PRDM16: variants seen among roughly 807,000 people sequenced by gnomAD.
PRDM16 encodes the protein PR/SET domain 16.
In PRDM16, 23 loss-of-function variants were observed where a neutral mutation model predicts 110.6. That is an observed-to-expected ratio of 0.21 (90% CI 0.15 to 0.29). The LOEUF (loss-of-function observed/expected upper bound fraction) is 0.29. Ranked by LOEUF, PRDM16 falls within the 10% of genes least tolerant of loss-of-function variation. The pLI, the probability that PRDM16 is intolerant of heterozygous loss-of-function variation, is 1.00. For synonymous variants in PRDM16, 799 were observed against 781.8 expected, an observed-to-expected ratio of 1.02 and a Z score of -0.37; for missense variants, 1,615 against 1,794.3, an observed-to-expected ratio of 0.90 and a Z score of 1.81.
At chr1:3,136,282 T>C (rs1278051836) in intron 1 of PRDM16, among the ~76,000 whole-genome samples, 1 of 152,138 alleles carries the variant, frequency 6.6e-6, no homozygotes, top group Non-Finnish European at 1.5e-5. Context: ...CGCGCGATGC[T>C]CCGGGGTCTC....
rs1644264593 is a variant in PRDM16 at position 3,186,157 on chromosome 1, C to A, written c.70C>A (p.Pro24Thr). Residue 24 changes from proline (P) to threonine (T), a missense_variant, in exon 2 of 17, where the codon CCC (proline) becomes ACC (threonine). Physicochemically the swap from Pro to Thr is conservative, Grantham distance 38 (BLOSUM62 -1). Coordinates refer to ENST00000270722, the MANE Select transcript of PRDM16 (RefSeq NM_022114.4). Reference sequence around the variant, plus strand: ...TGACGTTGTAAATAATATGTATGAGCCCAACCGGGACCTGCTGGCCAGCCA... The same window carrying A: ...TGACGTTGTAAATAATATGTATGAGACCAACCGGGACCTGCTGGCCAGCCA... ...DGDVVNNMYE[P>T]NRDLLASHSA... 6.2e-7 allele frequency: 1 copy of A among 1,612,668 alleles called. No homozygotes were observed. The highest frequency in any genetic ancestry group is 1.3e-5 in the African/African-American group (1 of 74,908).
In PRDM16 at chr1:3,397,471, G is replaced by A. The variant is rs776523027; in HGVS notation, c.676+878G>A. Among the ~76,000 whole-genome samples, 6 of 152,216 alleles carry A rather than the reference G, an allele frequency of 3.9e-5. No individual in the cohort carries two copies. The East Asian group carries it at 7.7e-4, about 20-fold the overall frequency. ...CTTCACGTCATGAAGCCATGTGTCC[G>A]TTCCCCTACGGGGTCCTGGAACAGC... On this transcript the variant is annotated intron_variant, in intron 5 of 16. Transcript: ENST00000270722.
chr1:3,414,842 A>G (rs1643753749), intron 10 of PRDM16, among the ~76,000 whole-genome samples, 195 bp downstream of exon 10: 1 of 152,040 alleles, frequency 6.6e-6, no homozygotes, highest in African/African-American at 2.4e-5. Flanking sequence ...GAGGTTGAGG[A>G]CTGAGAGTGA....
At chr1:3,153,109 G>C (rs1033950757) in intron 1 of PRDM16, among the ~76,000 whole-genome samples, 1 of 152,244 alleles carries the variant, frequency 6.6e-6, no homozygotes, top group African/African-American at 2.4e-5. Flanking sequence ...CTTTTCTTCT[G>C]AGTGGGAACA....
At chr1:3,181,239 C>CAGTCTT (rs1644167174) in intron 1 of PRDM16, among the ~76,000 whole-genome samples, 1 of 72,680 alleles carries the variant, frequency 1.4e-5, no homozygotes, top group Non-Finnish European at 3.9e-5. Context: ...CACGGTCTTA[C>CAGTCTT]ACACAGTCTT....
chr1:3,082,166 G>A (rs1421539841), intron 1 of PRDM16, among the ~76,000 whole-genome samples: 3 of 152,170 alleles, frequency 2.0e-5, no homozygotes, highest in Admixed American at 6.5e-5. Flanking sequence ...AGGCTGGCCC[G>A]GGGGCCCTGG....
intron 2 of PRDM16, among the ~76,000 whole-genome samples, chr1:3,186,975 G>C (rs902371022): frequency 6.6e-6 from 1 of 152,046 alleles, no homozygotes; most frequent in Non-Finnish European, 1.5e-5. Context: ...TCCAACTCCA[G>C]GGGCACAGGC....
intron 3 of PRDM16, among the ~76,000 whole-genome samples, chr1:3,257,311 C>G (rs1203438848): frequency 6.6e-6 from 1 of 152,176 alleles, no homozygotes; most frequent in African/African-American, 2.4e-5. Context: ...TCTCTGCCCA[C>G]CTGGGGTTGG....
intron 2 of PRDM16, among the ~76,000 whole-genome samples, chr1:3,230,709 G>A (rs966100992): frequency 6.6e-6 from 1 of 152,266 alleles, no homozygotes; most frequent in Non-Finnish European, 1.5e-5. Flanking sequence ...GCTGTCCCCA[G>A]GATTGGGTGT....
chr1:3,300,565 A>G (rs1182113184), intron 3 of PRDM16, among the ~76,000 whole-genome samples: 2 of 152,332 alleles, frequency 1.3e-5, no homozygotes, highest in South Asian at 2.1e-4. Flanking sequence ...TCAGGAGCAC[A>G]TCTCCTCCTC....
rs2493293 is a variant in PRDM16, at chr1:3,410,997, G to A, written c.1187-387G>A. Reference sequence around the variant, plus strand: ...CGGCACAGCAGGAACTGTACCAACCGGCCCCCCGATCTGTGCTGGTCACTG... The same window carrying A: ...CGGCACAGCAGGAACTGTACCAACCAGCCCCCCGATCTGTGCTGGTCACTG... On this transcript the variant is annotated intron_variant, in intron 8 of 16. Transcript: ENST00000270722. 8.8e-4 allele frequency among the ~76,000 whole-genome samples: 134 copies of A among 152,254 alleles called. 1 individual carries two copies. The highest frequency in any genetic ancestry group is 2.8e-3 in the African/African-American group (115 of 41,538).
chr1:3,227,211 C>T (rs529509139), intron 2 of PRDM16, among the ~76,000 whole-genome samples: 22 of 152,368 alleles, frequency 1.4e-4, no homozygotes, highest in African/African-American at 5.3e-4. Flanking sequence ...CCTTCTCGCC[C>T]GGCGAGGACC....
chr1:3,193,539 T>G (rs1638373407), intron 2 of PRDM16, among the ~76,000 whole-genome samples: 1 of 152,178 alleles, frequency 6.6e-6, no homozygotes, highest in Non-Finnish European at 1.5e-5. Flanking sequence ...TCCACAGCCA[T>G]GGACCTCCGC....
chr1:3,408,086 CAAGT>C (rs1337150604), intron 8 of PRDM16, among the ~76,000 whole-genome samples: 11 of 152,290 alleles, frequency 7.2e-5, no homozygotes, highest in Non-Finnish European at 1.0e-4. Flanking sequence ...AATTTGCAAA[CAAGT>C]GAGGGAGTCC....
At chr1:3,131,218 T>C (rs1643330028) in intron 1 of PRDM16, among the ~76,000 whole-genome samples, 1 of 152,228 alleles carries the variant, frequency 6.6e-6, no homozygotes, top group African/African-American at 2.4e-5. Flanking sequence ...TCCCTCTCTC[T>C]CTCTCAGACA....
At chr1:3,387,469 C>T (rs926881932) in intron 4 of PRDM16, among the ~76,000 whole-genome samples, 6 of 152,196 alleles carry the variant, frequency 3.9e-5, no homozygotes, top group Non-Finnish European at 5.9e-5. Flanking sequence ...GGGGCACTTC[C>T]GACCCCCTCA....
At chr1:3,418,296 G>T (rs577622908) in intron 11 of PRDM16, among the ~76,000 whole-genome samples, 2 of 152,216 alleles carry the variant, frequency 1.3e-5, no homozygotes, top group Non-Finnish European at 2.9e-5. Flanking sequence ...AGCGCTTGGA[G>T]GGATGGGAAG....
rs1203085205 is a variant in PRDM16 at position 3,434,557 on chromosome 1, CG to C, written c.*748del. 8.6e-6 allele frequency: 2 copies of C among 231,554 alleles called. No homozygotes were observed. Among genetic ancestry groups the C allele is most frequent in the Non-Finnish European group, 1.7e-5 (2 of 117,074 alleles). The allele number at this position is 231,554 out of a possible 1,614,324, so 14.3% of individuals were successfully genotyped here. ...GGGCCACACCCGTGAACCATGCAGA[CG>C]GCCGAAGAAGTCTTAGGCAGGGCGC... On this transcript the variant is annotated 3_prime_UTR_variant, in exon 17 of 17. Transcript: ENST00000270722.
chr1:3,284,722 G>A (rs1640807672), intron 3 of PRDM16, among the ~76,000 whole-genome samples: 1 of 152,240 alleles, frequency 6.6e-6, no homozygotes. Flanking sequence ...AGGAGGATAA[G>A]GGGTGTTGCT....
Sources: gnomAD v4.1 joint callset for allele counts (sites outside exome capture counted in the v4.1 genomes callset) on GRCh38, gnomAD v4.1.1 for gene constraint, MANE v1.5 for transcripts, NCBI Gene and HGNC (gene_info 2026-07-23, HGNC 2026-07-21) for gene names.